The following TMEM231 variants were observed in gnomAD, a reference collection of about 807,000 sequenced individuals.
TMEM231 encodes transmembrane protein 231.
Under a neutral mutation model 38.5 loss-of-function variants are expected in TMEM231, and 40 were observed. The ratio of observed to expected loss-of-function variants is 1.04; its 90% CI spans 0.81 to 1.35. The LOEUF is 1.35. TMEM231 is among the 40% of genes most tolerant of loss of function. TMEM231 has a pLI of 0.00. For missense variants in TMEM231, 420 were observed against 416.9 expected, an observed-to-expected ratio of 1.01 and a Z score of -0.07; for synonymous variants, 199 against 181.7, an observed-to-expected ratio of 1.10 and a Z score of -0.77.
chr16:75,546,964 T>C (rs1213766613), intron 2 of TMEM231, among the ~76,000 whole-genome samples: 4 of 152,086 alleles, frequency 2.6e-5, no homozygotes, highest in African/African-American at 4.8e-5. Flanking sequence ...CAGAGGTCTG[T>C]AGAGGAAAAA....
At chr16:75,550,808 C>G (rs2080751391) in intron 2 of TMEM231, among the ~76,000 whole-genome samples, 2 of 151,714 alleles carry the variant, frequency 1.3e-5, no homozygotes, top group African/African-American at 2.4e-5. Context: ...TCTCCGCCTC[C>G]CGGGTTCAAG....
chr16:75,545,152 C>T (rs2080671848), intron 4 of TMEM231, among the ~76,000 whole-genome samples, 200 bp downstream of exon 4: 1 of 151,890 alleles, frequency 6.6e-6, no homozygotes, highest in African/African-American at 2.4e-5. Flanking sequence ...GACAGGGTTT[C>T]ACCAGGTTGG....
chr16:75,544,479 T>C (rs1405262100), intron 4 of TMEM231, among the ~76,000 whole-genome samples: 1 of 150,154 alleles, frequency 6.7e-6, no homozygotes, highest in Non-Finnish European at 1.5e-5. Flanking sequence ...CCAGGGGGGC[T>C]GGAAGGGAGC....
At chr16:75,555,396 G>C (rs994345553) in intron 2 of TMEM231, 2 of 181,044 alleles carry the variant, frequency 1.1e-5, no homozygotes, top group African/African-American at 4.7e-5. Flanking sequence ...TTCCTATAGT[G>C]GTGTGATGCA....
rs186911860 is a variant in TMEM231, at chr16:75,554,021, C to T, written c.309+1783G>A. On this transcript the variant is annotated intron_variant, in intron 2 of 6. Coordinates refer to ENST00000258173, the MANE Select transcript of TMEM231 (RefSeq NM_001077418.3). The stretch of plus-strand genomic sequence containing the variant: ...CACATACCCAATACCTTTCTCATTA[C>T]CCCCAATAGAGTTAAAATCTCTTTT... Among the ~76,000 whole-genome samples, 870 of 152,240 alleles carry T rather than the reference C, an allele frequency of 5.7e-3. 6 individuals carry two copies. Among genetic ancestry groups the T allele is most frequent in the Non-Finnish European group, 6.7e-3 (454 of 68,028 alleles).
intron 2 of TMEM231, among the ~76,000 whole-genome samples, chr16:75,548,928 C>T (rs1236598146): frequency 6.6e-6 from 1 of 152,112 alleles, no homozygotes; most frequent in East Asian, 1.9e-4. Flanking sequence ...TTCAGGATGA[C>T]CCAACTTGTT....
At chr16:75,543,592 T>G (rs2080651202) in intron 4 of TMEM231, among the ~76,000 whole-genome samples, 1 of 151,924 alleles carries the variant, frequency 6.6e-6, no homozygotes, top group Non-Finnish European at 1.5e-5. Context: ...AAAATACAAA[T>G]AAAAACCCCT....
chr16:75,541,190 T>C (rs1483993052), intron 6 of TMEM231, among the ~76,000 whole-genome samples, 160 bp downstream of exon 6: 1 of 151,530 alleles, frequency 6.6e-6, no homozygotes, highest in African/African-American at 2.4e-5. Context: ...ATTTTTTTTT[T>C]TTTTTTTTTG....
At chr16:75,551,122 T>A (rs1488948413) in intron 2 of TMEM231, among the ~76,000 whole-genome samples, 1 of 152,268 alleles carries the variant, frequency 6.6e-6, no homozygotes, top group African/African-American at 2.4e-5. Flanking sequence ...AAAATACTCT[T>A]TGGCACCAGT....
At chr16:75,547,792 A>C (rs564737177) in intron 2 of TMEM231, among the ~76,000 whole-genome samples, 2 of 152,286 alleles carry the variant, frequency 1.3e-5, no homozygotes, top group Non-Finnish European at 2.9e-5. Flanking sequence ...AAATAAAATA[A>C]AAAATAAATA....
intron 2 of TMEM231, among the ~76,000 whole-genome samples, chr16:75,554,002 C>A (rs887020807): frequency 1.3e-5 from 2 of 152,170 alleles, no homozygotes; most frequent in Non-Finnish European, 2.9e-5. Flanking sequence ...CTATCACATA[C>A]CCAATACCTT....
intron 2 of TMEM231, 140 bp downstream of exon 2, chr16:75,555,664 G>A: frequency 1.2e-6 from 1 of 829,492 alleles, no homozygotes; most frequent in Non-Finnish European, 1.8e-6. Flanking sequence ...GAGATGAAAC[G>A]CCACCTTTGC....
At chr16:75,541,180 ATTTTTTTT>A (rs58545518) in intron 6 of TMEM231, among the ~76,000 whole-genome samples, 162 bp downstream of exon 6, 1 of 136,846 alleles carries the variant, frequency 7.3e-6, no homozygotes, top group African/African-American at 2.7e-5. Context: ...TGCCTGGCTA[ATTTTTTTT>A]TTTTTTTTTT....
rs1392169507 is a variant in TMEM231 at position 75,542,670 on chromosome 16, T to A, written c.596A>T (p.Asn199Ile). 1.9e-6 allele frequency: 3 copies of A among 1,613,750 alleles called. No homozygotes were observed. The highest frequency in any genetic ancestry group is 2.5e-6 in the Non-Finnish European group (3 of 1,179,862). ...GTCATAGGCAAAGGGGCTGGTCCCG[T>A]TGATCACGGATATCTGGGACACGGG... is the stretch of plus-strand genomic sequence containing the variant. ...LDARYNISVI[N>I]GTSPFAYDYD... is the part of the protein sequence containing the mutation. Residue 199 changes from asparagine (N) to isoleucine (I), a missense_variant, in exon 5 of 7, where the codon AAC (asparagine) becomes ATC (isoleucine). Asn to Ile is a moderately radical substitution (Grantham distance 149). Transcript: ENST00000258173.
In TMEM231 at chr16:75,539,305, A is replaced by C. The variant is rs414304; in HGVS notation, c.*689T>G. On this transcript the variant is annotated 3_prime_UTR_variant, in exon 7 of 7. Transcript: ENST00000258173. ...CAGGGGCACAGACAGAGGGAAAAAT[A>C]GGGCAAAGAGCCCAGTCACAGTACG... is the stretch of plus-strand genomic sequence containing the variant. 10 of 152,522 alleles carry C rather than the reference A, an allele frequency of 6.6e-5. No homozygotes were observed. The highest frequency in any genetic ancestry group is 2.6e-4 in the Admixed American group (4 of 15,308). The allele number at this position is 152,522 out of a possible 1,614,324, so 9.4% of individuals were successfully genotyped here. A position where few individuals can be genotyped will look rare whatever the true frequency, so the allele number is the denominator to read the frequency against.
At chr16:75,547,199 T>C (rs1337187032) in intron 2 of TMEM231, among the ~76,000 whole-genome samples, 1 of 152,254 alleles carries the variant, frequency 6.6e-6, no homozygotes, top group African/African-American at 2.4e-5. Flanking sequence ...TACTATCGTG[T>C]AGCAGCATTC....
At chr16:75,554,394 T>C (rs952891836) in intron 2 of TMEM231, among the ~76,000 whole-genome samples, 8 of 151,726 alleles carry the variant, frequency 5.3e-5, no homozygotes, top group African/African-American at 1.7e-4. Context: ...GTGAAACCCC[T>C]TCTCTACTAA....
At chr16:75,540,367 A>G (rs2080609481) in intron 6 of TMEM231, among the ~76,000 whole-genome samples, 193 bp from the exon 7 acceptor site, 1 of 152,220 alleles carries the variant, frequency 6.6e-6, no homozygotes, top group Non-Finnish European at 1.5e-5. Context: ...TTATATACCA[A>G]GCCTGATGAC....
In TMEM231 at chr16:75,555,833, C is replaced by CT; in HGVS notation, c.279dup (p.Gly94ArgfsTer12). 1 of 1,574,084 alleles carries CT rather than the reference C, an allele frequency of 6.4e-7. No individual in the cohort carries two copies. Among genetic ancestry groups the CT allele is most frequent in the Non-Finnish European group, 8.6e-7 (1 of 1,160,090 alleles). On this transcript the variant is annotated frameshift_variant, in exon 2 of 7. Transcript: ENST00000258173. LOFTEE classifies it high-confidence loss of function. ...ACGAGCGGGACGCGCAGGCGATCCCCTTGCAGCCGGTTGAAGGCGGGGAAC... is the reference window on the plus strand; with the variant it reads ...ACGAGCGGGACGCGCAGGCGATCCCCTTTGCAGCCGGTTGAAGGCGGGGAAC...
Sources: allele counts gnomAD v4.1 joint callset (sites outside exome capture counted in the v4.1 genomes callset), GRCh38; gene constraint gnomAD v4.1.1; transcripts MANE v1.5; gene names NCBI Gene and HGNC (gene_info 2026-07-23, HGNC 2026-07-21).